ZFAT: variants seen among roughly 807,000 people sequenced by gnomAD.
The protein encoded by ZFAT is zinc finger protein ZFAT.
A neutral mutation model predicts 117.7 loss-of-function variants in ZFAT; 64 were observed. The ratio of observed to expected loss-of-function variants is 0.54; its 90% confidence interval spans 0.44 to 0.67. The LOEUF (loss-of-function observed/expected upper bound fraction) is 0.67. ZFAT is among the 30% of genes least tolerant of loss of function. ZFAT has a pLI of 0.00. For synonymous variants in ZFAT, 679 were observed against 615.0 expected (o/e 1.10, Z -1.54); for missense variants, 1,433 against 1,584.5 (o/e 0.90, Z 1.62).
intron 11 of ZFAT, among the ~76,000 whole-genome samples, chr8:134,536,664 C>A (rs1301247208): frequency 6.6e-6 from 1 of 152,138 alleles, no homozygotes; most frequent in African/African-American, 2.4e-5. Flanking sequence ...CTCAAGATTT[C>A]ATTTATGAAG....
chr8:134,823,840 T>C, the ZFAT span, among the ~76,000 whole-genome samples: 1 of 152,236 alleles, frequency 6.6e-6, no homozygotes, highest in Non-Finnish European at 1.5e-5. Flanking sequence ...AAAAATATTT[T>C]GGATTTATTA....
chr8:134,674,362 C>T (rs1262605442), intron 1 of ZFAT, among the ~76,000 whole-genome samples: 1 of 152,224 alleles, frequency 6.6e-6, no homozygotes, highest in Non-Finnish European at 1.5e-5. Flanking sequence ...GAAATTCTCA[C>T]TGCTAGCACA....
upstream of ZFAT, among the ~76,000 whole-genome samples, chr8:134,716,182 C>CAT (rs35463896): frequency 0.33 from 48,999 of 149,350 alleles, 8,459 homozygotes; most frequent in South Asian, 0.43. Flanking sequence ...CACACACACA[C>CAT]ATATATATAT....
chr8:134,826,697 G>C, the ZFAT span, among the ~76,000 whole-genome samples: 5 of 152,294 alleles, frequency 3.3e-5, no homozygotes, highest in Non-Finnish European at 7.3e-5. Flanking sequence ...GTGCTTAGTT[G>C]TCCCCACAGG....
At chr8:134,719,765 G>C in the ZFAT span, among the ~76,000 whole-genome samples, 1 of 152,202 alleles carries the variant, frequency 6.6e-6, no homozygotes, top group African/African-American at 2.4e-5. Flanking sequence ...AGAGGACGTT[G>C]CAGAAAGGAG....
chr8:134,487,782 G>C (rs1419904271), intron 15 of ZFAT, among the ~76,000 whole-genome samples: 1 of 152,204 alleles, frequency 6.6e-6, no homozygotes, highest in Non-Finnish European at 1.5e-5. Context: ...ACAACGCTGT[G>C]CTGACTCCTG....
At chr8:134,542,739 C>T (rs966806458) in intron 11 of ZFAT, among the ~76,000 whole-genome samples, 3 of 152,142 alleles carry the variant, frequency 2.0e-5, no homozygotes, top group Admixed American at 6.5e-5. Context: ...GAGCAAGGTA[C>T]ATGCAGGTAT....
At chr8:134,568,586 A>G (rs1369716598) in intron 10 of ZFAT, among the ~76,000 whole-genome samples, 1 of 152,260 alleles carries the variant, frequency 6.6e-6, no homozygotes, top group Non-Finnish European at 1.5e-5. Flanking sequence ...GCTAAAAAAG[A>G]GTCCTAAAAT....
intron 15 of ZFAT, among the ~76,000 whole-genome samples, chr8:134,504,074 A>C (rs557968145): frequency 6.6e-6 from 1 of 152,350 alleles, no homozygotes; most frequent in East Asian, 1.9e-4. Flanking sequence ...GGTAAAGTGC[A>C]TGCTGCTGGA....
chr8:134,652,556 A>G (rs1831310723), intron 2 of ZFAT, among the ~76,000 whole-genome samples: 1 of 152,236 alleles, frequency 6.6e-6, no homozygotes, highest in Admixed American at 6.5e-5. Context: ...CTCTAAAGAC[A>G]AGTGTTAATA....
chr8:134,713,335 T>TAC (rs1814109700), upstream of ZFAT, among the ~76,000 whole-genome samples: 1 of 152,188 alleles, frequency 6.6e-6, no homozygotes, highest in African/African-American at 2.4e-5. Flanking sequence ...GAGCTGGGCG[T>TAC]GCAAGGAGAG....
At chr8:134,823,810 T>C in the ZFAT span, among the ~76,000 whole-genome samples, 37 of 152,366 alleles carry the variant, frequency 2.4e-4, no homozygotes, top group East Asian at 4.2e-3. Flanking sequence ...CTTAAGCCAT[T>C]AGAATCTAAT....
the ZFAT span, among the ~76,000 whole-genome samples, chr8:134,782,723 G>GC: frequency 2.0e-5 from 3 of 151,882 alleles, no homozygotes; most frequent in Middle Eastern, 6.3e-3. Context: ...TGTGCCTTTT[G>GC]CCTTCTGCCA....
intron 15 of ZFAT, among the ~76,000 whole-genome samples, chr8:134,489,849 T>G (rs1376297039): frequency 6.6e-6 from 1 of 152,158 alleles, no homozygotes. Flanking sequence ...AAAATGGAAC[T>G]AGTCACTTCC....
intron 1 of ZFAT, among the ~76,000 whole-genome samples, chr8:134,665,598 A>G (rs1167519427): frequency 1.3e-5 from 2 of 152,256 alleles, no homozygotes; most frequent in African/African-American, 2.4e-5. Context: ...AAACGTACAT[A>G]GAAGTACATG....
the ZFAT span, among the ~76,000 whole-genome samples, chr8:134,776,527 G>T: frequency 7.2e-5 from 11 of 152,032 alleles, no homozygotes; most frequent in African/African-American, 1.7e-4. Context: ...TTCGTTTTTT[G>T]TTGTTGTTGT....
At chr8:134,483,390 G>A (rs1380321101) in intron 15 of ZFAT, among the ~76,000 whole-genome samples, 1 of 152,196 alleles carries the variant, frequency 6.6e-6, no homozygotes, top group Admixed American at 6.5e-5. Context: ...TTCAGCTGGT[G>A]TAGTGTGACA....
intron 10 of ZFAT, among the ~76,000 whole-genome samples, chr8:134,575,365 G>T (rs1825221813): frequency 6.6e-6 from 1 of 152,200 alleles, no homozygotes; most frequent in African/African-American, 2.4e-5. Flanking sequence ...GTCAGAGAAG[G>T]AGTGTGGTGA....
the ZFAT span, among the ~76,000 whole-genome samples, chr8:134,821,820 A>C: frequency 1.3e-5 from 2 of 152,158 alleles, no homozygotes; most frequent in Non-Finnish European, 2.9e-5. Context: ...CTATAAATCT[A>C]ACTCACTCCT....
Sources: allele counts gnomAD v4.1 joint callset (sites outside exome capture counted in the v4.1 genomes callset), GRCh38; gene constraint gnomAD v4.1.1; transcripts MANE v1.5; gene names NCBI Gene and HGNC (gene_info 2026-07-23, HGNC 2026-07-21).